Variants in PDIA6 observed in about 807,000 individuals in gnomAD.
PDIA6 encodes protein disulfide isomerase family A member 6.
Under a neutral mutation model 58.4 loss-of-function variants are expected in PDIA6, and 29 were observed. The observed-to-expected ratio is 0.50, with a 90% CI of 0.37 to 0.68. The LOEUF (loss-of-function observed/expected upper bound fraction) is 0.68, where lower values mean the gene tolerates loss of function less well. Ranked by LOEUF, PDIA6 falls within the 30% of genes least tolerant of loss-of-function variation. PDIA6 has a pLI of 0.00. For missense variants in PDIA6, 480 were observed against 551.0 expected, an observed-to-expected ratio of 0.87 and a Z score of 1.29; for synonymous variants, 192 against 202.6, an observed-to-expected ratio of 0.95 and a Z score of 0.44.
In PDIA6 at chr2:10,788,568, G is replaced by GGA. The variant is rs528988198; in HGVS notation, c.998+128_998+129insTC. On this transcript the variant is annotated intron_variant, in intron 10 of 12. Coordinates refer to ENST00000272227, the MANE Select transcript of PDIA6 (RefSeq NM_005742.4). The stretch of plus-strand genomic sequence containing the variant: ...CTACTTGGGAGGCTGAGGCAGGAGG[G>GGA]AAAAAAAAAAAAAACATATAGCAGA... 353 of 602,890 alleles carry GGA rather than the reference G, an allele frequency of 5.9e-4. 1 individual carries two copies. The highest frequency in any genetic ancestry group is 8.6e-4 in the South Asian group (43 of 49,714). 37.3% of individuals were successfully genotyped at this position (602,890 alleles called of 1,614,324 possible).
chr2:10,819,232 G>T, intron 2 of PDIA6: 1 of 1,256,446 alleles, frequency 8.0e-7, no homozygotes, highest in South Asian at 1.3e-5. Flanking sequence ...TGGCTGTTGT[G>T]AACAGATGGA....
chr2:10,809,474 G>C (rs932913324), intron 1 of PDIA6, among the ~76,000 whole-genome samples: 4 of 151,866 alleles, frequency 2.6e-5, no homozygotes, highest in Admixed American at 1.3e-4. Context: ...CCAGGAGTTT[G>C]AGACCAGCCT....
intron 1 of PDIA6, chr2:10,823,140 T>C (rs938875388): frequency 3.9e-5 from 6 of 152,248 alleles, no homozygotes; most frequent in African/African-American, 1.4e-4. Context: ...TTTTCTTGTG[T>C]TTCAGAGGTT....
intron 6 of PDIA6, among the ~76,000 whole-genome samples, chr2:10,791,302 C>T (rs776693682): frequency 1.3e-5 from 2 of 151,986 alleles, no homozygotes; most frequent in Non-Finnish European, 2.9e-5. Context: ...CGCCACCACA[C>T]CCAGCCAATT....
chr2:10,832,881 C>G (rs1424924948), upstream of PDIA6, among the ~76,000 whole-genome samples: 4 of 152,080 alleles, frequency 2.6e-5, no homozygotes, highest in South Asian at 8.3e-4. Flanking sequence ...ATTTGGCGGA[C>G]GCAGAAAAGG....
intron 1 of PDIA6, among the ~76,000 whole-genome samples, chr2:10,804,978 T>C (rs1666672590): frequency 6.8e-6 from 1 of 146,552 alleles, no homozygotes; most frequent in Admixed American, 7.0e-5. Context: ...CTGTCTGTTG[T>C]TGGTGTATAA....
In PDIA6 at chr2:10,791,886, G is replaced by C. The variant is rs766401605; in HGVS notation, c.493C>G (p.Leu165Val). The change falls in exon 6 of 13, where the codon CTG becomes GTG. Residue 165 changes from leucine (L) to valine (V), a missense_variant. By Grantham distance (32) the Leu-to-Val change is conservative. Coordinates refer to ENST00000272227, the MANE Select transcript of PDIA6 (RefSeq NM_005742.4). ...DSSSKKDVIE[L>V]TDDSFDKNVL... ...TTCTTATCAAAGCTGTCGTCTGTCA[G>C]CTCAATCACATCCTTCTTACTTGAA... The C allele has an allele frequency of 2.5e-6, 4 of 1,613,874 alleles. No individual in the cohort carries two copies. The African/African-American group carries it at 5.3e-5, about 22-fold the overall frequency.
At chr2:10,837,271 C>G (rs758416894), upstream of PDIA6, among the ~76,000 whole-genome samples, 1 of 152,180 alleles carries the variant, frequency 6.6e-6, no homozygotes, top group Non-Finnish European at 1.5e-5. Context: ...GAGGGGCTGA[C>G]GTCCTCACAA....
intron 1 of PDIA6, among the ~76,000 whole-genome samples, chr2:10,807,539 A>G (rs568330795): frequency 6.6e-6 from 1 of 152,234 alleles, no homozygotes; most frequent in Non-Finnish European, 1.5e-5. Context: ...CTGTCTTTTC[A>G]GCATCTCTGA....
chr2:10,828,818 G>C lies in PDIA6; in HGVS notation c.-48+3384C>G, dbSNP rs182694766. On this transcript the variant is annotated intron_variant, in intron 1 of 13. Transcript: ENST00000381611. ...AAATGACCCCTGGCTCTGGCCCCCG[G>C]GTCACAAGTGCATGGATGTGTTCGG... Among the ~76,000 whole-genome samples the C allele has an allele frequency of 3.3e-4, 50 of 152,326 alleles. No homozygotes were observed. The Middle Eastern group carries it at 0.01, about 31-fold the overall frequency.
chr2:10,810,127 G>A, intron 1 of PDIA6: 1 of 662,346 alleles, frequency 1.5e-6, no homozygotes. Context: ...CTCTGTATCA[G>A]GCATTTTTCT....
chr2:10,815,158 G>A (rs1301564803), upstream of PDIA6, among the ~76,000 whole-genome samples: 2 of 151,852 alleles, frequency 1.3e-5, no homozygotes, highest in Non-Finnish European at 2.9e-5. Context: ...ACAGGCCTCC[G>A]GAAATGCACA....
At chr2:10,785,083 G>T in intron 11 of PDIA6, 53 bp from the exon 12 acceptor site, 1 of 1,218,648 alleles carries the variant, frequency 8.2e-7, no homozygotes, top group Non-Finnish European at 1.2e-6. Flanking sequence ...GACTGCTGGT[G>T]CAGAAGAATA....
In PDIA6 at chr2:10,789,737, G is replaced by A. The variant is rs778331291; in HGVS notation, c.840+12C>T. On this transcript the variant is annotated intron_variant, in intron 8 of 12. Coordinates refer to ENST00000272227, the MANE Select transcript of PDIA6 (RefSeq NM_005742.4). The stretch of plus-strand genomic sequence containing the variant: ...AAAGCTTTCTGGACTACAAGCAGTT[G>A]AAGTGGTTTACCTCAAGCAGCTCAG... The A allele has an allele frequency of 6.2e-7, 1 of 1,611,620 alleles. No individual in the cohort carries two copies. The highest frequency in any genetic ancestry group is 8.5e-7 in the Non-Finnish European group (1 of 1,178,924).
At chr2:10,814,928 A>T (rs1667146739), upstream of PDIA6, among the ~76,000 whole-genome samples, 1 of 152,196 alleles carries the variant, frequency 6.6e-6, no homozygotes, top group South Asian at 2.1e-4. Context: ...TCTCTGTCCC[A>T]GTTGGCCTCA....
At chr2:10,832,676 C>T (rs1667741169), upstream of PDIA6, among the ~76,000 whole-genome samples, 1 of 152,098 alleles carries the variant, frequency 6.6e-6, no homozygotes, top group Admixed American at 6.5e-5. Flanking sequence ...AGGCTCAGGC[C>T]CTGGGCTGGC....
chr2:10,824,206 C>T (rs987638870), intron 1 of PDIA6, among the ~76,000 whole-genome samples: 2 of 151,718 alleles, frequency 1.3e-5, no homozygotes, highest in Non-Finnish European at 2.9e-5. Flanking sequence ...ACACTCACAC[C>T]TCCAGTCATG....
rs1558460292 is a variant in PDIA6 at position 10,818,484 on chromosome 2, TTATTTATTTA to T, written c.34+780_34+789del. 5.4e-3 allele frequency among the ~76,000 whole-genome samples: 320 copies of T among 58,786 alleles called. 8 individuals carry two copies. Among genetic ancestry groups the T allele is most frequent in the South Asian group, 0.032 (73 of 2,248 alleles). The allele number at this position is 58,786 out of a possible 152,430, so 38.6% of individuals were successfully genotyped here. A position where few individuals can be genotyped will look rare whatever the true frequency, so the allele number is the denominator to read the frequency against. On this transcript the variant is annotated intron_variant, in intron 2 of 13. Transcript: ENST00000381611. ...GCCCAGCTCACTTTAACCATTTAAT[TTATTTATTTA>T]TTTATTTATTTATTTATTTATTTAT...
At chr2:10,812,626 C>G in intron 1 of PDIA6, 52 bp downstream of exon 1, 1 of 1,492,124 alleles carries the variant, frequency 6.7e-7, no homozygotes, top group South Asian at 1.2e-5. Flanking sequence ...AGATTCGAAA[C>G]CTTTCAGGCC....
Sources: gnomAD v4.1 joint callset for allele counts (sites outside exome capture counted in the v4.1 genomes callset) on GRCh38, gnomAD v4.1.1 for gene constraint, MANE v1.5 for transcripts, NCBI Gene and HGNC (gene_info 2026-07-23, HGNC 2026-07-21) for gene names.